Variants in KLHDC8A observed in about 807,000 individuals in gnomAD.
The protein encoded by KLHDC8A is kelch domain containing 8A.
In KLHDC8A, 21 loss-of-function variants were observed where a neutral mutation model predicts 33.1. That is an observed-to-expected ratio of 0.64 (90% CI 0.45 to 0.91). The LOEUF is 0.91. KLHDC8A is among the 40% of genes least tolerant of loss of function. KLHDC8A has a pLI of 0.00. For missense variants in KLHDC8A, 435 were observed against 483.3 expected (o/e 0.90, Z 0.94); for synonymous variants, 173 against 193.5 (o/e 0.89, Z 0.88).
chr1:205,339,758 T>C lies in KLHDC8A; in HGVS notation c.427A>G (p.Asn143Asp). Residue 143 changes from asparagine to aspartate, a missense_variant, in exon 3 of 6, where the codon AAC becomes GAC. Transcript: ENST00000367155. This position sits in a 1 kb window ranked among gnomAD's most constrained non-coding sequence, Gnocchi z 5.1. ...GGMGLDLRPHNHLQHYDMLKD... is the reference protein window; with the variant it reads ...GGMGLDLRPHDHLQHYDMLKD... Reference sequence around the variant, plus strand: ...AGCATGTCATAGTGTTGGAGGTGGTTGTGTGGACGTAGGTCCAGGCCCATC... The same window carrying C: ...AGCATGTCATAGTGTTGGAGGTGGTCGTGTGGACGTAGGTCCAGGCCCATC... 6.2e-7 allele frequency: 1 copy of C among 1,613,978 alleles called. No individual in the cohort carries two copies.
chr1:205,337,274 A>C lies in KLHDC8A; in HGVS notation c.*125T>G. 1 of 746,764 alleles carries C rather than the reference A, an allele frequency of 1.3e-6. No individual in the cohort carries two copies. The highest frequency in any genetic ancestry group is 2.3e-6 in the Non-Finnish European group (1 of 443,194). 46.3% of individuals were successfully genotyped at this position (746,764 alleles called of 1,614,324 possible). The stretch of plus-strand genomic sequence containing the variant: ...GGTCAACTTAGAGCCCCAAGGCCAG[A>C]CTCCACTGGTTGCTAACAGGAGCTG... On this transcript the variant is annotated 3_prime_UTR_variant, in exon 6 of 6. Transcript: ENST00000367155.
chr1:205,341,901 A>G (rs796922480), intron 2 of KLHDC8A, among the ~76,000 whole-genome samples: 38 of 152,324 alleles, frequency 2.5e-4, no homozygotes, highest in African/African-American at 8.9e-4. Context: ...CGCCCGCCTC[A>G]GCCTCCCAAA....
At chr1:205,351,636 T>C (rs9793526) in intron 1 of KLHDC8A, among the ~76,000 whole-genome samples, 116,790 of 148,204 alleles carry the variant, frequency 0.79, 46,161 homozygotes, top group South Asian at 0.83. Context: ...GAGGCTTTCT[T>C]GGCTGGGCGT....
Position 205,355,959 on chromosome 1 carries a change from G to A in KLHDC8A, c.-190+574C>T, listed in dbSNP as rs114496268. Among the ~76,000 whole-genome samples the A allele has an allele frequency of 6.9e-4, 105 of 152,262 alleles. 1 individual carries two copies. The highest frequency in any genetic ancestry group is 2.4e-3 in the African/African-American group (101 of 41,534). ...TTAAAAATCTTAATTTTAGACCCAG[G>A]GGCATGTGCGCAGGTTTGTCACAAG... is the stretch of plus-strand genomic sequence containing the variant. On this transcript the variant is annotated intron_variant, in intron 1 of 5. Coordinates refer to ENST00000367155, the MANE Select transcript of KLHDC8A (RefSeq NM_018203.3).
chr1:205,355,376 A>G (rs1663237509), intron 1 of KLHDC8A, among the ~76,000 whole-genome samples: 1 of 152,136 alleles, frequency 6.6e-6, no homozygotes, highest in Non-Finnish European at 1.5e-5. Flanking sequence ...CTTGGCCTGA[A>G]TGCCGCCTCC....
rs1662647047 is a variant in KLHDC8A at position 205,336,824 on chromosome 1, C to T, written c.*575G>A. 1 of 155,808 alleles carries T rather than the reference C, an allele frequency of 6.4e-6. No homozygotes were observed. The highest frequency in any genetic ancestry group is 1.4e-5 in the Non-Finnish European group (1 of 70,110). 9.7% of individuals were successfully genotyped at this position (155,808 alleles called of 1,614,324 possible). On this transcript the variant is annotated 3_prime_UTR_variant, in exon 6 of 6. Coordinates refer to ENST00000367155, the MANE Select transcript of KLHDC8A (RefSeq NM_018203.3). ...CATGGCCTGGGCTGTCCAAGTGAGC[C>T]TGACTTCCCTTCCAAGGCAGCTGCC...
intron 1 of KLHDC8A, among the ~76,000 whole-genome samples, chr1:205,355,064 C>T (rs766442098): frequency 7.2e-5 from 11 of 152,190 alleles, no homozygotes; most frequent in Non-Finnish European, 1.3e-4. Flanking sequence ...AGGACCCAAA[C>T]GCTGGTCTCA....
intron 1 of KLHDC8A, among the ~76,000 whole-genome samples, chr1:205,345,362 G>C (rs1305871735): frequency 6.6e-6 from 1 of 152,136 alleles, no homozygotes; most frequent in Non-Finnish European, 1.5e-5. Flanking sequence ...CCTTTACCCA[G>C]TTTCTCCCAA....
Position 205,337,533 on chromosome 1 carries a change from C to T in KLHDC8A, c.919G>A (p.Glu307Lys), listed in dbSNP as rs1662668683. 2 of 1,613,836 alleles carry T rather than the reference C, an allele frequency of 1.2e-6. No individual in the cohort carries two copies. The change falls in exon 6 of 6, where the codon GAG becomes AAG. Residue 307 changes from glutamate to lysine, a missense_variant. By Grantham distance (56) the Glu-to-Lys change is moderately conservative (BLOSUM62 1). Transcript: ENST00000367155. Reference sequence around the variant, plus strand: ...GGTGTGGGCATGGCAGGGAGGATCTCCCATTTGTTCTTCCCTGGGTGGAAT... The same window carrying T: ...GGTGTGGGCATGGCAGGGAGGATCTTCCATTTGTTCTTCCCTGGGTGGAAT... ...EAFHPGKNKW[E>K]ILPAMPTPRC...
At chr1:205,355,751 G>T (rs531588972) in intron 1 of KLHDC8A, among the ~76,000 whole-genome samples, 2 of 152,154 alleles carry the variant, frequency 1.3e-5, no homozygotes. Flanking sequence ...AGCCAGAACA[G>T]GGATGTGACA....
rs1663285692 is a variant in KLHDC8A at position 205,356,676 on chromosome 1, G to C, written c.-333C>G. The stretch of plus-strand genomic sequence containing the variant: ...GAATAGAGTCGGCAAGGTCCCCAGG[G>C]TCCCCAGGGCTTCCTCCACAATTGA... On this transcript the variant is annotated 5_prime_UTR_variant, in exon 1 of 6. Coordinates refer to ENST00000367155, the MANE Select transcript of KLHDC8A (RefSeq NM_018203.3). 2.3e-6 allele frequency: 1 copy of C among 443,006 alleles called. No homozygotes were observed. The highest frequency in any genetic ancestry group is 2.4e-5 in the Admixed American group (1 of 41,746). The allele number at this position is 443,006 out of a possible 1,614,324, so 27.4% of individuals were successfully genotyped here.
chr1:205,338,664 G>A, intron 4 of KLHDC8A, 68 bp from the exon 5 acceptor site: 2 of 1,278,464 alleles, frequency 1.6e-6, no homozygotes, highest in Non-Finnish European at 2.3e-6. Flanking sequence ...ACCAAATGCA[G>A]ATTGTGGCCC....
intron 2 of KLHDC8A, among the ~76,000 whole-genome samples, chr1:205,341,591 G>A (rs1222431763): frequency 6.6e-6 from 1 of 152,062 alleles, no homozygotes; most frequent in Non-Finnish European, 1.5e-5. Context: ...CCGGCTCAGT[G>A]CCTTCTGTTA....
intron 2 of KLHDC8A, among the ~76,000 whole-genome samples, chr1:205,342,307 C>G (rs575529868): frequency 5.3e-5 from 8 of 151,454 alleles, no homozygotes; most frequent in Admixed American, 2.6e-4. Flanking sequence ...CCTTGCTCTC[C>G]GTGGGCCTCC....
chr1:205,343,435 T>A lies in KLHDC8A; in HGVS notation c.170A>T (p.Asp57Val). ...DCFEVYSPEA[D>V]QWTALPRLPT... ...CAGCCGGGGCAAGGCGGTCCACTGGTCGGCCTCCGGGGAGTAGACCTCGAA... is the reference window on the plus strand; with the variant it reads ...CAGCCGGGGCAAGGCGGTCCACTGGACGGCCTCCGGGGAGTAGACCTCGAA... Residue 57 changes from aspartate to valine, a missense_variant, in exon 2 of 6, where the codon GAC becomes GTC. Asp to Val is a radical substitution (Grantham distance 152). Transcript: ENST00000367155. 6.2e-7 allele frequency: 1 copy of A among 1,613,390 alleles called. No homozygotes were observed.
intron 1 of KLHDC8A, among the ~76,000 whole-genome samples, chr1:205,345,634 G>T (rs528638878): frequency 1.3e-5 from 2 of 152,100 alleles, no homozygotes; most frequent in African/African-American, 2.4e-5. Context: ...CCAAATACTC[G>T]GGAGGCTGAG....
chr1:205,343,733 C>A lies in KLHDC8A; in HGVS notation c.-129G>T, dbSNP rs1006316458. On this transcript the variant is annotated 5_prime_UTR_variant, in exon 2 of 6. Transcript: ENST00000367155. ...CTCCCGAGCGCCGGACCCAGCCAGA[C>A]CCCGGCCAGTGCTTCACCGTGCCCC... 2.0e-6 allele frequency: 2 copies of A among 1,015,752 alleles called. No homozygotes were observed. The highest frequency in any genetic ancestry group is 2.8e-6 in the Non-Finnish European group (2 of 716,832). The allele number at this position is 1,015,752 out of a possible 1,614,324, so 62.9% of individuals were successfully genotyped here.
chr1:205,351,120 G>A (rs937085919), intron 1 of KLHDC8A: 41 of 643,390 alleles, frequency 6.4e-5, no homozygotes, highest in African/African-American at 4.2e-4. Context: ...TCCACTCCCC[G>A]AAGATTCCTC....
At position 205,337,211 on chromosome 1, in the gene KLHDC8A, C is replaced by A; in HGVS notation, c.*188G>T. On this transcript the variant is annotated 3_prime_UTR_variant, in exon 6 of 6. Coordinates refer to ENST00000367155, the MANE Select transcript of KLHDC8A (RefSeq NM_018203.3). ...CTGGTGGAGTCATCTGTGCCTCTTA[C>A]AGTTTTCTGAGATTGGTAGGATTTG... 1 of 593,250 alleles carries A rather than the reference C, an allele frequency of 1.7e-6. No individual in the cohort carries two copies. The allele number at this position is 593,250 out of a possible 1,614,324, so 36.7% of individuals were successfully genotyped here.
Sources: gnomAD v4.1 joint callset for allele counts (sites outside exome capture counted in the v4.1 genomes callset) on GRCh38, gnomAD v4.1.1 for gene constraint, Gnocchi (gnomAD v3.1) non-coding constraint, MANE v1.5 for transcripts, NCBI Gene and HGNC (gene_info 2026-07-23, HGNC 2026-07-21) for gene names.